ADAMTSL1: variants seen among roughly 807,000 people sequenced by gnomAD.
ADAMTSL1 encodes the protein ADAMTS-like protein 1.
Under a neutral mutation model 201.8 loss-of-function variants are expected in ADAMTSL1, and 126 were observed. The observed-to-expected ratio is 0.62, with a 90% CI of 0.54 to 0.72. The LOEUF is 0.72. Among genes scored for constraint, ADAMTSL1 ranks in the 30% least tolerant of loss-of-function variants. The probability of loss-of-function intolerance (pLI) is 0.00; values close to 1 mark genes in which losing one functional copy is unlikely to be tolerated. For synonymous variants in ADAMTSL1, 1,121 were observed against 903.4 expected, an observed-to-expected ratio of 1.24 and a Z score of -4.32; for missense variants, 2,679 against 2,277.8, an observed-to-expected ratio of 1.18 and a Z score of -3.59.
chr9:18,591,887 G>C (rs1053856975), intron 4 of ADAMTSL1, among the ~76,000 whole-genome samples: 1 of 152,210 alleles, frequency 6.6e-6, no homozygotes, highest in African/African-American at 2.4e-5. Flanking sequence ...TTATCGAGAT[G>C]CTTGAAGAAG....
chr9:18,211,259 C>A, intron 2 of ADAMTSL1, among the ~76,000 whole-genome samples: 1 of 151,982 alleles, frequency 6.6e-6, no homozygotes, highest in Admixed American at 6.6e-5. Context: ...ACTTCTAGGT[C>A]AGTGTTCTTT....
At chr9:18,321,338 TA>T (rs1421048730) in intron 2 of ADAMTSL1, among the ~76,000 whole-genome samples, 1 of 152,168 alleles carries the variant, frequency 6.6e-6, no homozygotes, top group Admixed American at 6.5e-5. Context: ...GAGAAAAAGG[TA>T]AAAATCTACA....
intron 2 of ADAMTSL1, among the ~76,000 whole-genome samples, chr9:18,236,396 C>CCACT (rs1280058791): frequency 1.3e-5 from 2 of 152,138 alleles, no homozygotes; most frequent in Non-Finnish European, 2.9e-5. Flanking sequence ...TTTGACTGTG[C>CCACT]CACTGACATG....
chr9:18,405,746 T>C (rs1364280848), intron 2 of ADAMTSL1, among the ~76,000 whole-genome samples: 1 of 152,164 alleles, frequency 6.6e-6, no homozygotes, highest in African/African-American at 2.4e-5. Flanking sequence ...TAATATGTTA[T>C]GTTTAGATAT....
chr9:18,607,052 T>C (rs568758157), intron 4 of ADAMTSL1, among the ~76,000 whole-genome samples: 1 of 152,264 alleles, frequency 6.6e-6, no homozygotes, highest in African/African-American at 2.4e-5. Flanking sequence ...GAGCAATCCA[T>C]GTAAGCCTTG....
chr9:18,257,973 G>T (rs1349067527), intron 2 of ADAMTSL1, among the ~76,000 whole-genome samples: 1 of 152,206 alleles, frequency 6.6e-6, no homozygotes, highest in Non-Finnish European at 1.5e-5. Context: ...GAGGGAAAAA[G>T]GAGTTATTGT....
intron 1 of ADAMTSL1, among the ~76,000 whole-genome samples, chr9:17,982,628 A>G (rs114980095): frequency 0.015 from 2,313 of 152,204 alleles, 57 homozygotes; most frequent in African/African-American, 0.053. Context: ...AAATAAATAA[A>G]TAAATAAATA....
chr9:18,657,605 C>A, intron 7 of ADAMTSL1, 34 bp from the exon 8 acceptor site: 1 of 1,531,400 alleles, frequency 6.5e-7, no homozygotes, highest in Non-Finnish European at 9.1e-7. Flanking sequence ...ACCGCACTGT[C>A]ACATTACTTC....
chr9:18,034,854 G>A (rs148145162), intron 1 of ADAMTSL1, among the ~76,000 whole-genome samples: 31 of 152,130 alleles, frequency 2.0e-4, no homozygotes, highest in East Asian at 1.7e-3. Context: ...AGTTGTATTC[G>A]TCTCTGAGCT....
chr9:17,960,713 T>C (rs1340757574), intron 1 of ADAMTSL1, among the ~76,000 whole-genome samples: 2 of 152,238 alleles, frequency 1.3e-5, no homozygotes, highest in Non-Finnish European at 2.9e-5. Context: ...TGTATTCATC[T>C]GTCTTTTTAA....
intron 2 of ADAMTSL1, among the ~76,000 whole-genome samples, chr9:18,404,298 C>G (rs79249150): frequency 1.3e-5 from 2 of 152,146 alleles, no homozygotes; most frequent in Non-Finnish European, 2.9e-5. Context: ...TACTTTAAGG[C>G]CTTCTTCATG....
intron 2 of ADAMTSL1, among the ~76,000 whole-genome samples, chr9:18,319,678 A>G (rs1228015871): frequency 6.6e-6 from 1 of 152,190 alleles, no homozygotes; most frequent in African/African-American, 2.4e-5. Flanking sequence ...GCTGAGATCC[A>G]TATCTATAGA....
intron 1 of ADAMTSL1, among the ~76,000 whole-genome samples, chr9:17,958,287 A>G (rs573971156): frequency 6.7e-4 from 102 of 152,324 alleles, no homozygotes; most frequent in African/African-American, 2.3e-3. Flanking sequence ...CAGGGTCCCA[A>G]TAAATGATGT....
At chr9:18,091,860 T>A (rs1317106746) in intron 1 of ADAMTSL1, among the ~76,000 whole-genome samples, 1 of 151,860 alleles carries the variant, frequency 6.6e-6, no homozygotes, top group African/African-American at 2.4e-5. Context: ...ACGGGTATTG[T>A]GAGTGAGTGA....
intron 5 of ADAMTSL1, among the ~76,000 whole-genome samples, chr9:18,623,333 C>A (rs1214231272): frequency 5.3e-5 from 8 of 151,948 alleles, no homozygotes; most frequent in Non-Finnish European, 1.2e-4. Context: ...ACCTCATGAG[C>A]AAAGTACTAT....
chr9:18,894,325 G>A (rs1356222996), intron 26 of ADAMTSL1, among the ~76,000 whole-genome samples: 1 of 148,610 alleles, frequency 6.7e-6, no homozygotes, highest in Non-Finnish European at 1.5e-5. Context: ...TCCAGCCTGG[G>A]TGACAGAGCA....
intron 2 of ADAMTSL1, among the ~76,000 whole-genome samples, chr9:18,530,712 C>T (rs923360818): frequency 2.0e-5 from 3 of 152,148 alleles, no homozygotes; most frequent in Admixed American, 2.0e-4. Flanking sequence ...ATAATGCTTA[C>T]TGTGTCCTAG....
At chr9:18,092,321 A>G (rs1402798220) in intron 1 of ADAMTSL1, among the ~76,000 whole-genome samples, 1 of 152,186 alleles carries the variant, frequency 6.6e-6, no homozygotes, top group African/African-American at 2.4e-5. Context: ...TGGGAAGGCG[A>G]GGAAGGCTTC....
At chr9:18,806,924 C>G (rs1044169543) in intron 20 of ADAMTSL1, among the ~76,000 whole-genome samples, 11 of 149,900 alleles carry the variant, frequency 7.3e-5, no homozygotes, top group Admixed American at 2.7e-4. Flanking sequence ...ATGTCAGGCT[C>G]TCCTGTTGTG....
Sources: gnomAD v4.1 joint callset for allele counts (sites outside exome capture counted in the v4.1 genomes callset) on GRCh38, gnomAD v4.1.1 for gene constraint, MANE v1.5 for transcripts, NCBI Gene and HGNC (gene_info 2026-07-23, HGNC 2026-07-21) for gene names.